MYO9A: variants seen among roughly 807,000 people sequenced by gnomAD.
The protein encoded by MYO9A is myosin IXA, also known as unconventional myosin-IXa.
MYO9A carries 103 observed loss-of-function variants against 293.3 expected under a neutral mutation model. The ratio of observed to expected loss-of-function variants is 0.35; its 90% CI spans 0.30 to 0.41. The LOEUF (loss-of-function observed/expected upper bound fraction) is 0.41. MYO9A is among the 10% of genes least tolerant of loss of function. The probability of loss-of-function intolerance (pLI) is 1.00; values close to 1 mark genes in which losing one functional copy is unlikely to be tolerated. For synonymous variants in MYO9A, 1,001 were observed against 1,035.7 expected, an observed-to-expected ratio of 0.97 and a Z score of 0.64; for missense variants, 2,685 against 3,033.0, an observed-to-expected ratio of 0.89 and a Z score of 2.69.
intron 39 of MYO9A, among the ~76,000 whole-genome samples, chr15:71,836,549 C>T (rs2054949890): frequency 6.6e-6 from 1 of 152,150 alleles, no homozygotes; most frequent in African/African-American, 2.4e-5. Context: ...CCATTAAAAT[C>T]ATAATTCCCC....
At chr15:71,974,303 A>G (rs539627019) in intron 12 of MYO9A, among the ~76,000 whole-genome samples, 61 of 152,208 alleles carry the variant, frequency 4.0e-4, no homozygotes, top group Non-Finnish European at 6.3e-4. Context: ...ACAGGAAGAT[A>G]AAAGAATGAA....
At chr15:72,009,414 C>T (rs568280370) in intron 7 of MYO9A, among the ~76,000 whole-genome samples, 1 of 152,088 alleles carries the variant, frequency 6.6e-6, no homozygotes, top group Non-Finnish European at 1.5e-5. Flanking sequence ...ATAGGGTCAT[C>T]AATCATGAGG....
At chr15:71,842,597 CA>C (rs1257468085) in intron 39 of MYO9A, among the ~76,000 whole-genome samples, 1 of 152,102 alleles carries the variant, frequency 6.6e-6, no homozygotes, top group Non-Finnish European at 1.5e-5. Flanking sequence ...CGGTGGCTCA[CA>C]CTTGTAATCC....
At chr15:72,106,959 C>G (rs1337478700) in intron 1 of MYO9A, among the ~76,000 whole-genome samples, 1 of 152,144 alleles carries the variant, frequency 6.6e-6, no homozygotes, top group Non-Finnish European at 1.5e-5. Context: ...AATTTTGAGT[C>G]TCACTGAGCA....
intron 15 of MYO9A, among the ~76,000 whole-genome samples, chr15:71,947,572 A>G (rs540494918): frequency 6.6e-6 from 1 of 152,282 alleles, no homozygotes; most frequent in East Asian, 1.9e-4. Flanking sequence ...TTTTTCAAAT[A>G]TGTGAGGGTT....
intron 18 of MYO9A, among the ~76,000 whole-genome samples, chr15:71,925,799 TAA>T (rs2058297559): frequency 6.6e-6 from 1 of 152,102 alleles, no homozygotes; most frequent in Admixed American, 6.6e-5. Context: ...ACTAGAGATT[TAA>T]AAGACTATAT....
Position 71,875,791 on chromosome 15 carries a change from C to A in MYO9A, c.5979G>T (p.Leu1993Phe). ...RKKRRKKETD[L>F]VEEHNGHIFK... ...ATTTAAAAAACAGATTATAACTTAC[C>A]AAATCAGTTTCCTTTTTCCTTCTTT... The change falls in exon 32 of 42, where the codon TTG (leucine) becomes TTT (phenylalanine). Residue 1993 changes from leucine (L) to phenylalanine (F), a missense_variant and splice_region_variant. Coordinates refer to ENST00000356056, the MANE Select transcript of MYO9A (RefSeq NM_006901.4). 1 of 1,355,690 alleles carries A rather than the reference C, an allele frequency of 7.4e-7. No homozygotes were observed. The highest frequency in any genetic ancestry group is 9.6e-7 in the Non-Finnish European group (1 of 1,040,772). 84.0% of individuals were successfully genotyped at this position (1,355,690 alleles called of 1,614,324 possible). A position where few individuals can be genotyped will look rare whatever the true frequency, so the allele number is the denominator to read the frequency against.
chr15:72,046,016 A>T lies in MYO9A; in HGVS notation c.548T>A (p.Leu183Gln), dbSNP rs746679982. 2 of 1,613,998 alleles carry T rather than the reference A, an allele frequency of 1.2e-6. No individual in the cohort carries two copies. Among genetic ancestry groups the T allele is most frequent in the Non-Finnish European group, 1.7e-6 (2 of 1,179,904 alleles). ...EKIYTYVGSI[L>Q]IVINPFKFLP... The stretch of plus-strand genomic sequence containing the variant: ...AAACTTGAATGGGTTAATAACTATT[A>T]GAATACTGCCAACATAGGTATAAAT... Residue 183 changes from leucine to glutamine, a missense_variant, in exon 2 of 42, where the codon CTA becomes CAA. Transcript: ENST00000356056.
intron 1 of MYO9A, among the ~76,000 whole-genome samples, chr15:72,114,726 G>A (rs1456963691): frequency 6.6e-6 from 1 of 152,240 alleles, no homozygotes; most frequent in African/African-American, 2.4e-5. Flanking sequence ...CAGGGGTCTA[G>A]AGCAAAGGCA....
chr15:72,040,881 T>A (rs2078207419), intron 2 of MYO9A, among the ~76,000 whole-genome samples: 1 of 152,148 alleles, frequency 6.6e-6, no homozygotes, highest in Admixed American at 6.5e-5. Context: ...GGGATAGCAG[T>A]ACAAGCAGTA....
chr15:71,979,821 A>C (rs1362298102), intron 11 of MYO9A, among the ~76,000 whole-genome samples: 2 of 152,240 alleles, frequency 1.3e-5, no homozygotes, highest in Non-Finnish European at 2.9e-5. Flanking sequence ...GCTTGTTAAA[A>C]AACAAGAGTA....
In MYO9A at chr15:71,903,960, T is replaced by C; in HGVS notation, c.2846A>G (p.Gln949Arg). The change falls in exon 21 of 42, where the codon CAA (glutamine) becomes CGA (arginine). Residue 949 changes from glutamine to arginine, a missense_variant. Physicochemically the swap from Gln to Arg is conservative, Grantham distance 43. Around this residue, in one of 10 missense-constraint regions of MYO9A, gnomAD observed 1,434 missense variants for 1,497.7 expected, o/e 0.96. Transcript: ENST00000356056. ...AGAATATTTGGAGCTGTATCCTGAT[T>C]GGCGAATTCGAACTGTTTCCAGCAT... ...TGMLETVRIR[Q>R]SGYSSKYSFQ... 3 of 1,614,074 alleles carry C rather than the reference T, an allele frequency of 1.9e-6. No homozygotes were observed. In the African/African-American group the frequency reaches 4.0e-5, roughly 22 times the overall value.
intron 2 of MYO9A, among the ~76,000 whole-genome samples, chr15:72,045,020 C>G (rs575788003): frequency 2.0e-5 from 3 of 152,284 alleles, no homozygotes; most frequent in East Asian, 3.9e-4. Context: ...GTCTACACTT[C>G]TATTTAGTTT....
At chr15:71,850,944 T>G (rs1296541932) in intron 37 of MYO9A, among the ~76,000 whole-genome samples, 1 of 152,040 alleles carries the variant, frequency 6.6e-6, no homozygotes, top group African/African-American at 2.4e-5. Flanking sequence ...TCATATGAAT[T>G]AGGTCATTTC....
In MYO9A at chr15:71,928,027, AATATATAT is replaced by A. The variant is rs1191908867; in HGVS notation, c.2562+5635_2562+5642del. Reference sequence around the variant, plus strand: ...GCTGTTTTGATTACAATACCTTTCTAATATATATATATATATATATATATATATATTTT... The same window carrying A: ...GCTGTTTTGATTACAATACCTTTCTAATATATATATATATATATATATTTT... On this transcript the variant is annotated intron_variant, in intron 18 of 41. Coordinates refer to ENST00000356056, the MANE Select transcript of MYO9A (RefSeq NM_006901.4). 6.9e-3 allele frequency among the ~76,000 whole-genome samples: 74 copies of A among 10,758 alleles called. 6 individuals carry two copies. Among genetic ancestry groups the A allele is most frequent in the Admixed American group, 0.012 (8 of 686 alleles). 7.1% of individuals were successfully genotyped at this position (10,758 alleles called of 152,430 possible). A position where few individuals can be genotyped will look rare whatever the true frequency, so the allele number is the denominator to read the frequency against.
intron 19 of MYO9A, among the ~76,000 whole-genome samples, chr15:71,907,770 C>T (rs1485875027): frequency 1.3e-5 from 2 of 152,066 alleles, no homozygotes; most frequent in African/African-American, 4.8e-5. Context: ...TCATGTCCTT[C>T]ACCCGCTTTT....
At chr15:71,830,813 T>C (rs2054691870) in intron 39 of MYO9A, among the ~76,000 whole-genome samples, 1 of 152,056 alleles carries the variant, frequency 6.6e-6, no homozygotes, top group African/African-American at 2.4e-5. Flanking sequence ...GAATGCATAA[T>C]CTCTCTAGGA....
rs547066546 is a variant in MYO9A at position 72,052,628 on chromosome 15, G to A, written c.-71-5994C>T. The stretch of plus-strand genomic sequence containing the variant: ...CCAGGGCTCTGACACCCTCTTTGGG[G>A]CTCTACGGTTCCTGGCATCTTCAAG... On this transcript the variant is annotated intron_variant, in intron 1 of 41. Coordinates refer to ENST00000356056, the MANE Select transcript of MYO9A (RefSeq NM_006901.4). 8.5e-5 allele frequency among the ~76,000 whole-genome samples: 13 copies of A among 152,334 alleles called. No homozygotes were observed. The South Asian group carries it at 1.7e-3, about 19-fold the overall frequency.
At chr15:72,115,702 T>G (rs2080946166) in intron 1 of MYO9A, among the ~76,000 whole-genome samples, 4 of 152,182 alleles carry the variant, frequency 2.6e-5, no homozygotes, top group Admixed American at 2.0e-4. Flanking sequence ...TTCAATAATT[T>G]AATAAATATT....
Sources: allele counts gnomAD v4.1 joint callset (sites outside exome capture counted in the v4.1 genomes callset), GRCh38; gene constraint gnomAD v4.1.1; regional missense constraint gnomAD v4.1.1; transcripts MANE v1.5; gene names NCBI Gene and HGNC (gene_info 2026-07-23, HGNC 2026-07-21).